The following MB21D2 variants were observed in gnomAD, a reference collection of about 807,000 sequenced individuals.
MB21D2 encodes the protein Mab-21 domain containing 2, also known as nucleotidyltransferase MB21D2.
A neutral mutation model predicts 33.3 loss-of-function variants in MB21D2; 9 were observed. That is an observed-to-expected ratio of 0.27 (90% CI 0.16 to 0.47). MB21D2 has a LOEUF of 0.47. Among genes scored for constraint, MB21D2 ranks in the 20% least tolerant of loss-of-function variants. The pLI is 0.99. For missense variants in MB21D2, 540 were observed against 624.6 expected (o/e 0.86, Z 1.44); for synonymous variants, 241 against 236.3 (o/e 1.02, Z -0.18).
chr3:192,902,926 A>G (rs753617078), intron 1 of MB21D2, among the ~76,000 whole-genome samples: 2 of 152,276 alleles, frequency 1.3e-5, no homozygotes, highest in African/African-American at 2.4e-5. Flanking sequence ...CAGCACAGGC[A>G]TAAGAAAAGG....
intron 1 of MB21D2, among the ~76,000 whole-genome samples, chr3:192,857,954 A>G (rs1712954742): frequency 6.6e-6 from 1 of 152,028 alleles, no homozygotes; most frequent in Non-Finnish European, 1.5e-5. Flanking sequence ...GAGAAACCCT[A>G]TCTCTACTAA....
intron 1 of MB21D2, among the ~76,000 whole-genome samples, chr3:192,824,386 G>C (rs1712123523): frequency 6.6e-6 from 1 of 152,026 alleles, no homozygotes; most frequent in Non-Finnish European, 1.5e-5. Context: ...GATGGATTAT[G>C]AGAGGAAGCT....
intron 1 of MB21D2, among the ~76,000 whole-genome samples, chr3:192,913,789 A>C (rs1714405789): frequency 6.6e-6 from 1 of 152,180 alleles, no homozygotes; most frequent in African/African-American, 2.4e-5. Context: ...CCATGATCAT[A>C]CTATTGCACT....
In MB21D2 at chr3:192,799,409, C is replaced by A. The variant is rs763407821; in HGVS notation, c.453G>T (p.Arg151=). 1 of 1,614,068 alleles carries A rather than the reference C, an allele frequency of 6.2e-7. No homozygotes were observed. Among genetic ancestry groups the A allele is most frequent in the African/African-American group, 1.3e-5 (1 of 74,926 alleles). Residue 151 remains arginine, a synonymous_variant, in exon 2 of 2, where the codon CGG becomes CGT. Transcript: ENST00000392452. The surrounding 1 kb of genome is among the most constrained non-coding windows in gnomAD (Gnocchi z 4.1). The part of the protein sequence containing the change: ...SALCHSWLSL[R]LFDEGTISKW... ...TACTGATTGTCCCCTCATCAAAGAG[C>A]CGAAGGCTCAGCCAAGAGTGGCACA...
chr3:192,819,949 G>A (rs1275563400), intron 1 of MB21D2, among the ~76,000 whole-genome samples: 1 of 152,094 alleles, frequency 6.6e-6, no homozygotes, highest in Non-Finnish European at 1.5e-5. Flanking sequence ...GGACACCCAG[G>A]GCCTAGTCCT....
At chr3:192,819,461 T>TG (rs1396531224) in intron 1 of MB21D2, among the ~76,000 whole-genome samples, 3 of 152,146 alleles carry the variant, frequency 2.0e-5, no homozygotes, top group Non-Finnish European at 4.4e-5. Flanking sequence ...AAGGAAAGAA[T>TG]GTGACAGTCA....
intron 1 of MB21D2, among the ~76,000 whole-genome samples, chr3:192,886,032 C>A (rs1713724974): frequency 6.6e-6 from 1 of 152,052 alleles, no homozygotes; most frequent in Admixed American, 6.5e-5. Flanking sequence ...GCGATCTCGG[C>A]TGACTGCAAC....
chr3:192,852,574 C>T (rs957970821), intron 1 of MB21D2, among the ~76,000 whole-genome samples: 6 of 152,122 alleles, frequency 3.9e-5, no homozygotes, highest in Non-Finnish European at 8.8e-5. Context: ...CTCTTTACTT[C>T]ATAGTGAAAA....
intron 1 of MB21D2, among the ~76,000 whole-genome samples, chr3:192,803,248 C>A (rs1711592189): frequency 6.6e-6 from 1 of 152,226 alleles, no homozygotes; most frequent in African/African-American, 2.4e-5. Flanking sequence ...TCTTTCCTCT[C>A]AATGATGCTT....
At chr3:192,916,098 T>TTTTA (rs111341877) in intron 1 of MB21D2, among the ~76,000 whole-genome samples, 5 of 139,176 alleles carry the variant, frequency 3.6e-5, no homozygotes, top group East Asian at 2.0e-4. Context: ...CTACCAGGTT[T>TTTTA]TATATATATA....
intron 1 of MB21D2, among the ~76,000 whole-genome samples, chr3:192,828,662 A>T (rs1160110315): frequency 3.0e-4 from 22 of 73,990 alleles, no homozygotes; most frequent in East Asian, 9.2e-4. Flanking sequence ...ATATATATAT[A>T]TTTTGAGACG....
Position 192,798,524 on chromosome 3 carries a change from G to T in MB21D2, c.1338C>A (p.Asp446Glu). Residue 446 changes from aspartate to glutamate, a missense_variant, in exon 2 of 2, where the codon GAC becomes GAA. By Grantham distance (45) the Asp-to-Glu change is conservative. Transcript: ENST00000392452. The surrounding 1 kb of genome is among the most constrained non-coding windows in gnomAD (Gnocchi z 4.8). ...CCAAACGGTCATCAGGCTGGTTGGG[G>T]TCCCCTCCGTCAGACTGTGGAGAGG... is the stretch of plus-strand genomic sequence containing the variant. ...SIPSPQSDGG[D>E]PNQPDDRLAK... The T allele has an allele frequency of 6.2e-7, 1 of 1,614,074 alleles. No homozygotes were observed. The highest frequency in any genetic ancestry group is 8.5e-7 in the Non-Finnish European group (1 of 1,180,040).
chr3:192,892,876 C>A (rs944064447), intron 1 of MB21D2, among the ~76,000 whole-genome samples: 1 of 152,102 alleles, frequency 6.6e-6, no homozygotes, highest in African/African-American at 2.4e-5. Flanking sequence ...GAATTATGTA[C>A]AAAAGGGGGA....
At chr3:192,834,107 T>C (rs1160872083) in intron 1 of MB21D2, among the ~76,000 whole-genome samples, 2 of 152,124 alleles carry the variant, frequency 1.3e-5, no homozygotes, top group South Asian at 2.1e-4. Flanking sequence ...TTTGTGTGAA[T>C]GAATGAATCG....
At chr3:192,854,364 G>A (rs947608298) in intron 1 of MB21D2, among the ~76,000 whole-genome samples, 6 of 152,194 alleles carry the variant, frequency 3.9e-5, no homozygotes, top group African/African-American at 1.4e-4. Context: ...CCAGAGCATG[G>A]CCCTAACTCT....
intron 1 of MB21D2, among the ~76,000 whole-genome samples, chr3:192,876,609 C>A (rs774169615): frequency 6.6e-6 from 1 of 152,188 alleles, no homozygotes; most frequent in Admixed American, 6.5e-5. Context: ...CTTAGGATAG[C>A]GCCCTACATC....
chr3:192,849,334 T>TGGG (rs1712741972), intron 1 of MB21D2, among the ~76,000 whole-genome samples: 7 of 76,790 alleles, frequency 9.1e-5, no homozygotes, highest in South Asian at 5.3e-4. Flanking sequence ...GGGCGGGGGG[T>TGGG]GGGGGTGGAG....
At chr3:192,823,441 G>T (rs892800916) in intron 1 of MB21D2, among the ~76,000 whole-genome samples, 1 of 152,154 alleles carries the variant, frequency 6.6e-6, no homozygotes, top group Admixed American at 6.5e-5. Context: ...ATCACCTGAG[G>T]TTGGGAGTTC....
intron 1 of MB21D2, among the ~76,000 whole-genome samples, chr3:192,873,869 T>C (rs929811121): frequency 6.6e-6 from 1 of 151,932 alleles, no homozygotes; most frequent in Non-Finnish European, 1.5e-5. Context: ...CGCCTGGTAA[T>C]TGTTGTAGTT....
Sources: gnomAD v4.1 joint callset for allele counts (sites outside exome capture counted in the v4.1 genomes callset) on GRCh38, gnomAD v4.1.1 for gene constraint, Gnocchi (gnomAD v3.1) non-coding constraint, MANE v1.5 for transcripts, NCBI Gene and HGNC (gene_info 2026-07-23, HGNC 2026-07-21) for gene names.